CACNA1E: variants seen among roughly 807,000 people sequenced by gnomAD.
CACNA1E encodes voltage-dependent R-type calcium channel subunit alpha-1E.
Under a neutral mutation model 259.2 loss-of-function variants are expected in CACNA1E, and 40 were observed. That is an observed-to-expected ratio of 0.15 (90% CI 0.12 to 0.20). The LOEUF (loss-of-function observed/expected upper bound fraction) is 0.20, where lower values mean the gene tolerates loss of function less well. CACNA1E is among the 10% of genes least tolerant of loss of function. The probability of loss-of-function intolerance (pLI) is 1.00; values close to 1 mark genes in which losing one functional copy is unlikely to be tolerated. For synonymous variants in CACNA1E, 1,104 were observed against 1,138.5 expected, an observed-to-expected ratio of 0.97 and a Z score of 0.61; for missense variants, 1,874 against 3,040.1, an observed-to-expected ratio of 0.62 and a Z score of 9.02.
intron 1 of CACNA1E, among the ~76,000 whole-genome samples, chr1:181,390,590 C>T (rs369612180): frequency 1.3e-5 from 2 of 152,034 alleles, no homozygotes. Flanking sequence ...GGACTGGAAG[C>T]GAGGGCTCAG....
intron 2 of CACNA1E, among the ~76,000 whole-genome samples, chr1:181,417,841 G>A (rs561170455): frequency 2.3e-4 from 35 of 152,302 alleles, no homozygotes; most frequent in African/African-American, 8.2e-4. Flanking sequence ...CTGACCGCCT[G>A]CTGCATCTGG....
chr1:181,388,899 A>G (rs921207059), intron 1 of CACNA1E, among the ~76,000 whole-genome samples: 1 of 152,150 alleles, frequency 6.6e-6, no homozygotes, highest in Non-Finnish European at 1.5e-5. Flanking sequence ...CTCCAAAAAA[A>G]AAAAACGTGT....
chr1:181,726,139 T>C lies in CACNA1E; in HGVS notation c.2217T>C (p.Ser739=). The change falls in exon 18 of 48, where the codon TCT becomes TCC. Residue 739 remains serine, a synonymous_variant. Transcript: ENST00000367573. ...AGGCCAAGGAGGTCAGCCCGATGTCTGCACCCAACATGCCTTCGATCGAGT... is the reference window on the plus strand; with the variant it reads ...AGGCCAAGGAGGTCAGCCCGATGTCCGCACCCAACATGCCTTCGATCGAGT... The part of the protein sequence containing the change: ...LQKAKEVSPM[S]APNMPSIERD... The C allele has an allele frequency of 6.2e-7, 1 of 1,612,686 alleles. No individual in the cohort carries two copies. Among genetic ancestry groups the C allele is most frequent in the Non-Finnish European group, 8.5e-7 (1 of 1,179,274 alleles).
At chr1:181,621,856 T>C (rs1217778996) in intron 6 of CACNA1E, among the ~76,000 whole-genome samples, 1 of 152,132 alleles carries the variant, frequency 6.6e-6, no homozygotes, top group African/African-American at 2.4e-5. Flanking sequence ...GCTCAGTATC[T>C]CTACAATACA....
At chr1:181,563,877 G>T (rs1277576102) in intron 3 of CACNA1E, among the ~76,000 whole-genome samples, 2 of 152,138 alleles carry the variant, frequency 1.3e-5, no homozygotes, top group Non-Finnish European at 2.9e-5. Flanking sequence ...GTTTTCCAGT[G>T]CATATAAGAG....
chr1:181,747,523 T>G (rs182656517), intron 25 of CACNA1E, among the ~76,000 whole-genome samples: 342 of 151,672 alleles, frequency 2.3e-3, no homozygotes, highest in African/African-American at 8.0e-3. Context: ...TGGTAAAATG[T>G]GTGGCCCAAT....
intron 3 of CACNA1E, among the ~76,000 whole-genome samples, chr1:181,559,257 T>C (rs1428725268): frequency 6.6e-6 from 1 of 152,176 alleles, no homozygotes; most frequent in Non-Finnish European, 1.5e-5. Flanking sequence ...CACTCCACTG[T>C]GTAAAGAATG....
chr1:181,741,214 G>A lies in CACNA1E; in HGVS notation c.3719+1961G>A, dbSNP rs952252345. ...AAGAACAGAGCCCACTGGCATAACA[G>A]GACAGAGTGGCAAGAAAGGTTGGGC... On this transcript the variant is annotated intron_variant, in intron 25 of 47. Transcript: ENST00000367573. Among the ~76,000 whole-genome samples, 15 of 152,300 alleles carry A rather than the reference G, an allele frequency of 9.8e-5. 1 individual carries two copies. In the South Asian group the frequency reaches 1.7e-3, roughly 17 times the overall value.
intron 2 of CACNA1E, among the ~76,000 whole-genome samples, chr1:181,417,307 T>C (rs549176015): frequency 6.6e-6 from 1 of 152,332 alleles, no homozygotes; most frequent in South Asian, 2.1e-4. Context: ...AGTCTCCTCC[T>C]ACCCTCTCAA....
chr1:181,730,141 G>A (rs1655330144), intron 18 of CACNA1E, among the ~76,000 whole-genome samples: 1 of 152,256 alleles, frequency 6.6e-6, no homozygotes, highest in Non-Finnish European at 1.5e-5. Context: ...CCACCCTTGT[G>A]TGGGGCTCTT....
At chr1:181,482,646 C>T (rs1284483263), upstream of CACNA1E, among the ~76,000 whole-genome samples, 3 of 152,282 alleles carry the variant, frequency 2.0e-5, no homozygotes, top group Non-Finnish European at 2.9e-5. Flanking sequence ...CTGTCCTCTG[C>T]CTCGCCTCCC....
chr1:181,595,802 A>G (rs1430518727), intron 6 of CACNA1E, among the ~76,000 whole-genome samples: 1 of 152,192 alleles, frequency 6.6e-6, no homozygotes, highest in Non-Finnish European at 1.5e-5. Context: ...CAGTCCACCC[A>G]GGAACACTAA....
chr1:181,666,822 C>T (rs1169227385), intron 7 of CACNA1E, among the ~76,000 whole-genome samples: 10 of 151,950 alleles, frequency 6.6e-5, no homozygotes, highest in Admixed American at 6.6e-4. Flanking sequence ...GAAAACAAAT[C>T]ATTCAGTGAA....
At chr1:181,628,333 A>G (rs890920048) in intron 6 of CACNA1E, among the ~76,000 whole-genome samples, 1 of 152,232 alleles carries the variant, frequency 6.6e-6, no homozygotes, top group Non-Finnish European at 1.5e-5. Flanking sequence ...CTCAAGAAGG[A>G]CTCTGTATAA....
chr1:181,688,810 C>T (rs755250927), intron 7 of CACNA1E, among the ~76,000 whole-genome samples: 1 of 152,172 alleles, frequency 6.6e-6, no homozygotes, highest in Non-Finnish European at 1.5e-5. Context: ...CCTTCCCACT[C>T]CAGCACCTGG....
At chr1:181,624,247 C>A (rs547183708) in intron 6 of CACNA1E, among the ~76,000 whole-genome samples, 1 of 152,294 alleles carries the variant, frequency 6.6e-6, no homozygotes, top group East Asian at 1.9e-4. Context: ...TTAGGCCCCA[C>A]CTTCAACCCT....
At chr1:181,593,871 A>C (rs1465076330) in intron 6 of CACNA1E, among the ~76,000 whole-genome samples, 6 of 152,176 alleles carry the variant, frequency 3.9e-5, no homozygotes, top group Admixed American at 3.9e-4. Context: ...GTTAGGGTAG[A>C]CCTGACATTC....
chr1:181,390,282 C>CAGGAG (rs1295199561), intron 1 of CACNA1E, among the ~76,000 whole-genome samples: 6 of 151,518 alleles, frequency 4.0e-5, no homozygotes, highest in South Asian at 4.2e-4. Context: ...AGTGATTACC[C>CAGGAG]AGGAGAGGAG....
At chr1:181,684,514 G>A (rs1650312999) in intron 7 of CACNA1E, among the ~76,000 whole-genome samples, 1 of 152,038 alleles carries the variant, frequency 6.6e-6, no homozygotes, top group African/African-American at 2.4e-5. Flanking sequence ...TGTTTTTGTT[G>A]CAATTGCTTT....
Sources: allele counts gnomAD v4.1 joint callset (sites outside exome capture counted in the v4.1 genomes callset), GRCh38; gene constraint gnomAD v4.1.1; transcripts MANE v1.5; gene names NCBI Gene and HGNC (gene_info 2026-07-23, HGNC 2026-07-21).